Variants in C10orf90 observed in about 807,000 individuals in gnomAD.
C10orf90 encodes chromosome 10 open reading frame 90.
In C10orf90, 56 loss-of-function variants were observed where a neutral mutation model predicts 62.5. The observed-to-expected ratio is 0.90, with a 90% CI of 0.72 to 1.12. The LOEUF is 1.12. Among genes scored for constraint, C10orf90 ranks in the 50% most tolerant of loss-of-function variants. The probability of loss-of-function intolerance (pLI) is 0.00; values close to 1 mark genes in which losing one functional copy is unlikely to be tolerated. For missense variants in C10orf90, 970 were observed against 880.4 expected (o/e 1.10, Z -1.29); for synonymous variants, 386 against 340.4 (o/e 1.13, Z -1.47).
intron 7 of C10orf90, among the ~76,000 whole-genome samples, chr10:126,454,599 G>A (rs1048640402): frequency 6.6e-6 from 1 of 151,804 alleles, no homozygotes; most frequent in African/African-American, 2.4e-5. Flanking sequence ...CTACCTGCAG[G>A]GGCTGTACCC....
At chr10:126,522,672 T>C (rs1342882357) in intron 2 of C10orf90, 1 of 152,248 alleles carries the variant, frequency 6.6e-6, no homozygotes, top group African/African-American at 2.4e-5. Context: ...GAGGGCACTA[T>C]GACTACTCAT....
chr10:126,626,192 C>T (rs1021049343), intron 2 of C10orf90, among the ~76,000 whole-genome samples: 3 of 152,026 alleles, frequency 2.0e-5, no homozygotes, highest in African/African-American at 4.8e-5. Flanking sequence ...TAAATAAGCC[C>T]CTCTCTTCTG....
At chr10:126,462,350 G>A (rs1247428001) in intron 5 of C10orf90, among the ~76,000 whole-genome samples, 2 of 152,030 alleles carry the variant, frequency 1.3e-5, no homozygotes, top group African/African-American at 2.4e-5. Flanking sequence ...GAAAATGCAT[G>A]GCAGCCTCTC....
At chr10:126,556,915 C>T (rs1233063740) in intron 2 of C10orf90, among the ~76,000 whole-genome samples, 4 of 150,660 alleles carry the variant, frequency 2.7e-5, no homozygotes, top group African/African-American at 7.3e-5. Flanking sequence ...TGGGCCCCAG[C>T]GTTTCTTCCT....
At chr10:126,576,845 G>T (rs1229510056) in intron 2 of C10orf90, among the ~76,000 whole-genome samples, 1 of 148,464 alleles carries the variant, frequency 6.7e-6, no homozygotes, top group African/African-American at 2.5e-5. Flanking sequence ...CTCATTTGTG[G>T]CAACACAGAT....
At chr10:126,604,716 T>C (rs1438706587) in intron 2 of C10orf90, among the ~76,000 whole-genome samples, 2 of 152,222 alleles carry the variant, frequency 1.3e-5, no homozygotes, top group South Asian at 2.1e-4. Flanking sequence ...GAAACACAGA[T>C]GTCACTGAGG....
intron 3 of C10orf90, among the ~76,000 whole-genome samples, chr10:126,510,695 T>C (rs561360771): frequency 2.6e-4 from 40 of 152,244 alleles, no homozygotes; most frequent in Non-Finnish European, 4.8e-4. Context: ...CTTTAAGATA[T>C]TGATTTCTCT....
At chr10:126,430,710 G>A (rs1442857474) in intron 7 of C10orf90, among the ~76,000 whole-genome samples, 1 of 152,212 alleles carries the variant, frequency 6.6e-6, no homozygotes, top group East Asian at 1.9e-4. Context: ...TCATTCAGCA[G>A]AAGCAGACAG....
chr10:126,508,211 G>T (rs1185454049), intron 3 of C10orf90, among the ~76,000 whole-genome samples: 1 of 152,098 alleles, frequency 6.6e-6, no homozygotes, highest in African/African-American at 2.4e-5. Context: ...GTGTGTTGGT[G>T]GGGAGGACAT....
At chr10:126,559,568 A>T (rs1864855272) in intron 2 of C10orf90, among the ~76,000 whole-genome samples, 1 of 152,172 alleles carries the variant, frequency 6.6e-6, no homozygotes, top group Admixed American at 6.5e-5. Context: ...ATCCATCCCC[A>T]CCAACCCCTG....
rs527653902 is a variant in C10orf90 at position 126,548,428 on chromosome 10, G to A, written c.314-34489C>T. On this transcript the variant is annotated intron_variant, in intron 2 of 9. Transcript: ENST00000488181. The stretch of plus-strand genomic sequence containing the variant: ...TGTCACCAGGCTGGAGTACAGTGGC[G>A]CAATCTTGGCTCACTGCAATCTCCG... 3.6e-4 allele frequency among the ~76,000 whole-genome samples: 55 copies of A among 152,148 alleles called. No individual in the cohort carries two copies. The South Asian group carries it at 0.011, about 29-fold the overall frequency.
chr10:126,454,729 T>A (rs1220685830), intron 7 of C10orf90, among the ~76,000 whole-genome samples: 1 of 152,130 alleles, frequency 6.6e-6, no homozygotes, highest in African/African-American at 2.4e-5. Flanking sequence ...GGATTCATCC[T>A]GTAAGGCAGA....
At chr10:126,616,783 C>T (rs538313389) in intron 2 of C10orf90, among the ~76,000 whole-genome samples, 23 of 152,296 alleles carry the variant, frequency 1.5e-4, no homozygotes, top group African/African-American at 5.5e-4. Flanking sequence ...ATCTTTTAAT[C>T]TTTGCTCTTT....
intron 2 of C10orf90, among the ~76,000 whole-genome samples, chr10:126,614,662 G>A (rs1489677636): frequency 6.6e-6 from 1 of 152,104 alleles, no homozygotes; most frequent in East Asian, 1.9e-4. Flanking sequence ...GCTTAGCTCA[G>A]CCTTTCAACG....
intron 1 of C10orf90, among the ~76,000 whole-genome samples, chr10:126,661,056 T>A (rs976282491): frequency 6.6e-6 from 1 of 152,204 alleles, no homozygotes; most frequent in Non-Finnish European, 1.5e-5. Context: ...CAAATCTTTT[T>A]TCTTCTCACT....
At chr10:126,527,863 GGTATCAAA>G (rs1863990744) in intron 2 of C10orf90, among the ~76,000 whole-genome samples, 1 of 152,190 alleles carries the variant, frequency 6.6e-6, no homozygotes, top group East Asian at 1.9e-4. Flanking sequence ...CATTGGTCCA[GGTATCAAA>G]GTCACGGCAT....
At chr10:126,548,548 G>A (rs568616613) in intron 2 of C10orf90, among the ~76,000 whole-genome samples, 1 of 152,226 alleles carries the variant, frequency 6.6e-6, no homozygotes, top group South Asian at 2.1e-4. Flanking sequence ...TGTATTTTTA[G>A]TAGAGATGGA....
At chr10:126,444,129 G>A (rs564975826) in intron 7 of C10orf90, among the ~76,000 whole-genome samples, 28 of 151,996 alleles carry the variant, frequency 1.8e-4, no homozygotes, top group African/African-American at 6.3e-4. Flanking sequence ...GGATGCCCAC[G>A]CTCACCACTC....
At chr10:126,575,023 A>C (rs1244413684) in intron 2 of C10orf90, among the ~76,000 whole-genome samples, 2 of 152,138 alleles carry the variant, frequency 1.3e-5, no homozygotes, top group Non-Finnish European at 2.9e-5. Flanking sequence ...AGACAAGAAA[A>C]AGAAATAAAA....
Sources: allele counts gnomAD v4.1 joint callset (sites outside exome capture counted in the v4.1 genomes callset), GRCh38; gene constraint gnomAD v4.1.1; transcripts MANE v1.5; gene names NCBI Gene and HGNC (gene_info 2026-07-23, HGNC 2026-07-21).